The following MERTK variants were observed in gnomAD, a reference collection of about 807,000 sequenced individuals.
MERTK encodes tyrosine-protein kinase Mer.
MERTK carries 69 observed loss-of-function variants against 99.3 expected under a neutral mutation model. The observed-to-expected ratio is 0.70, with a 90% CI of 0.57 to 0.85. MERTK has a LOEUF of 0.85. Among genes scored for constraint, MERTK ranks in the 40% least tolerant of loss-of-function variants. MERTK has a pLI of 0.00. For synonymous variants in MERTK, 426 were observed against 467.6 expected (o/e 0.91, Z 1.15); for missense variants, 1,125 against 1,249.4 (o/e 0.90, Z 1.50).
chr2:111,994,492 C>A, intron 9 of MERTK, 88 bp downstream of exon 9: 1 of 1,542,278 alleles, frequency 6.5e-7, no homozygotes, highest in Non-Finnish European at 9.0e-7. Flanking sequence ...GGATGGATGG[C>A]TGATTAAAGA....
chr2:111,944,903 A>T, intron 2 of MERTK, 57 bp from the exon 3 acceptor site: 1 of 1,409,496 alleles, frequency 7.1e-7, no homozygotes, highest in South Asian at 1.2e-5. Flanking sequence ...TTTCCATCCT[A>T]TAATAGGAAC....
In MERTK at chr2:111,977,802, C is replaced by A. The variant is rs971320150; in HGVS notation, c.1144+2330C>A. Among the ~76,000 whole-genome samples the A allele has an allele frequency of 1.1e-4, 17 of 152,208 alleles. 1 individual carries two copies. The highest frequency in any genetic ancestry group is 4.1e-4 in the African/African-American group (17 of 41,524). On this transcript the variant is annotated intron_variant, in intron 7 of 18. Transcript: ENST00000295408. ...TTCTGTTGCTATGTCTTCAATTTCA[C>A]TCATCTTTTTTGGTGTAGTATCTCA...
chr2:112,002,332 T>G (rs577402429), intron 11 of MERTK, among the ~76,000 whole-genome samples: 18 of 152,336 alleles, frequency 1.2e-4, no homozygotes, highest in African/African-American at 4.1e-4. Context: ...GAGCTTATTC[T>G]CTAGATGTTT....
chr2:112,009,690 T>A (rs902968004), intron 14 of MERTK, among the ~76,000 whole-genome samples: 10 of 152,094 alleles, frequency 6.6e-5, no homozygotes, highest in Admixed American at 6.5e-4. Flanking sequence ...AATTCCTAGG[T>A]TTCTAGATGG....
rs1573589856 is a variant in MERTK at position 111,944,534 on chromosome 2, G to GTTTTAAGGAATTATTTCTTAAAATAATTC, written c.483-426_483-425insTTTTAAGGAATTATTTCTTAAAATAATTC. 8.5e-5 allele frequency among the ~76,000 whole-genome samples: 2 copies of GTTTTAAGGAATTATTTCTTAAAATAATTC among 23,604 alleles called. 1 individual carries two copies. Among genetic ancestry groups the GTTTTAAGGAATTATTTCTTAAAATAATTC allele is most frequent in the Non-Finnish European group, 1.9e-4 (2 of 10,480 alleles). 15.5% of individuals were successfully genotyped at this position (23,604 alleles called of 152,430 possible). On this transcript the variant is annotated intron_variant, in intron 2 of 18. Transcript: ENST00000295408. ...ATAATTCCTCTGTTTTAAGGAATTA[G>GTTTTAAGGAATTATTTCTTAAAATAATTC]CTCACACACAGTGGGGGCTGACAAA...
chr2:111,994,783 A>AG, intron 9 of MERTK: 1 of 290,542 alleles, frequency 3.4e-6, no homozygotes, highest in Non-Finnish European at 6.7e-6. Flanking sequence ...GTCTCAAAAA[A>AG]AGAAAAAAAA....
intron 11 of MERTK, 96 bp downstream of exon 11, chr2:112,001,382 C>A: frequency 5.0e-6 from 5 of 991,106 alleles, no homozygotes; most frequent in South Asian, 1.3e-5. Flanking sequence ...CCAAAGATGT[C>A]GAAGAAGAAT....
chr2:111,976,177 C>T (rs1676242726), intron 7 of MERTK, among the ~76,000 whole-genome samples: 1 of 151,806 alleles, frequency 6.6e-6, no homozygotes, highest in Non-Finnish European at 1.5e-5. Context: ...GTGGAGCTTC[C>T]ATGCCCTCCC....
chr2:112,019,579 A>G, intron 16 of MERTK, 57 bp downstream of exon 16: 9 of 1,301,462 alleles, frequency 6.9e-6, no homozygotes, highest in Non-Finnish European at 1.0e-5. Flanking sequence ...TGGTCTTTGC[A>G]GGGTTAGTGA....
intron 8 of MERTK, among the ~76,000 whole-genome samples, chr2:111,989,300 T>C (rs913801759): frequency 1.3e-5 from 2 of 152,140 alleles, no homozygotes; most frequent in African/African-American, 4.8e-5. Flanking sequence ...TTTTATCTCA[T>C]TGAGGTTATA....
intron 9 of MERTK, chr2:111,995,170 A>C (rs1455928053): frequency 6.4e-6 from 1 of 155,416 alleles, no homozygotes; most frequent in African/African-American, 2.4e-5. Context: ...GGAACATGAA[A>C]TATTTCCTAT....
At chr2:111,916,405 C>G (rs1350832646) in intron 1 of MERTK, among the ~76,000 whole-genome samples, 1 of 152,064 alleles carries the variant, frequency 6.6e-6, no homozygotes. Flanking sequence ...TTTTTTCAGT[C>G]TCTTCTCATG....
intron 7 of MERTK, among the ~76,000 whole-genome samples, chr2:111,982,385 C>T (rs972348691): frequency 1.3e-5 from 2 of 151,924 alleles, no homozygotes; most frequent in Non-Finnish European, 2.9e-5. Flanking sequence ...TTCTCTTTCT[C>T]TTTCTTTCCT....
At chr2:111,959,494 T>C (rs576430639) in intron 4 of MERTK, among the ~76,000 whole-genome samples, 3 of 152,218 alleles carry the variant, frequency 2.0e-5, no homozygotes, top group South Asian at 4.2e-4. Context: ...TTTGTTTGTT[T>C]GTTTTTGTGT....
chr2:112,013,406 A>T (rs1481920592), intron 15 of MERTK: 1 of 154,400 alleles, frequency 6.5e-6, no homozygotes, highest in Non-Finnish European at 1.5e-5. Flanking sequence ...CCAACACCTT[A>T]GTACAATTGT....
In MERTK at chr2:111,929,049, A is replaced by G. The variant is rs1684619798; in HGVS notation, c.62-71A>G. The G allele has an allele frequency of 2.6e-6, 4 of 1,563,458 alleles. No homozygotes were observed. In the African/African-American group the frequency reaches 5.4e-5, roughly 21 times the overall value. On this transcript the variant is annotated intron_variant, in intron 1 of 18. Transcript: ENST00000295408. ...CCCCAGTGCTCTCTCTTCTTGGCCT[A>G]AGAAGTTGGGAACCTACTTGGGAAA... is the stretch of plus-strand genomic sequence containing the variant.
chr2:112,028,713 C>G lies in MERTK; in HGVS notation c.2849C>G (p.Thr950Arg). 6.2e-7 allele frequency: 1 copy of G among 1,614,186 alleles called. No individual in the cohort carries two copies. The highest frequency in any genetic ancestry group is 8.5e-7 in the Non-Finnish European group (1 of 1,180,030). ...DLTSAPSAAV[T>R]AEKNSVLPGE... ...ACTTCTGCCCCCTCTGCTGCAGTCA[C>G]AGCTGAAAAGAACAGTGTTTTACCG... Residue 950 changes from threonine (T) to arginine (R), a missense_variant, in exon 19 of 19, where the codon ACA (threonine) becomes AGA (arginine). Coordinates refer to ENST00000295408, the MANE Select transcript of MERTK (RefSeq NM_006343.3).
chr2:111,928,328 C>A (rs1192261343), intron 1 of MERTK, among the ~76,000 whole-genome samples: 3 of 146,294 alleles, frequency 2.1e-5, no homozygotes, highest in Non-Finnish European at 4.5e-5. Flanking sequence ...TGGGCTCAAG[C>A]GATCCTCCTT....
chr2:111,935,910 C>A (rs1684757353), intron 2 of MERTK, among the ~76,000 whole-genome samples: 1 of 151,776 alleles, frequency 6.6e-6, no homozygotes, highest in African/African-American at 2.4e-5. Flanking sequence ...TATTAAAAGT[C>A]TTCAAAAAAA....
Sources: gnomAD v4.1 joint callset for allele counts (sites outside exome capture counted in the v4.1 genomes callset) on GRCh38, gnomAD v4.1.1 for gene constraint, MANE v1.5 for transcripts, NCBI Gene and HGNC (gene_info 2026-07-23, HGNC 2026-07-21) for gene names.